DRGX: variants seen among roughly 807,000 people sequenced by gnomAD.
The protein encoded by DRGX is dorsal root ganglia homeobox protein.
Under a neutral mutation model 28.6 loss-of-function variants are expected in DRGX, and 21 were observed. That is an observed-to-expected ratio of 0.73 (90% CI 0.52 to 1.06). DRGX has a LOEUF of 1.06. Among genes scored for constraint, DRGX ranks in the 50% least tolerant of loss-of-function variants. The pLI is 0.00. For synonymous variants in DRGX, 136 were observed against 139.1 expected (o/e 0.98, Z 0.16); for missense variants, 354 against 343.9 (o/e 1.03, Z -0.23).
chr10:49,384,978 G>T (rs559861002), intron 6 of DRGX, among the ~76,000 whole-genome samples: 17 of 152,302 alleles, frequency 1.1e-4, no homozygotes, highest in African/African-American at 4.1e-4. Context: ...AGCAGACAGG[G>T]CTGGGTAGAC....
intron 6 of DRGX, among the ~76,000 whole-genome samples, chr10:49,379,114 T>C (rs1298704373): frequency 6.6e-6 from 1 of 152,046 alleles, no homozygotes. Context: ...TATTCTGAAA[T>C]CCAAAAAAAA....
At position 49,384,177 on chromosome 10, in the gene DRGX, T is replaced by C. The variant is rs114775510; in HGVS notation, c.526+2301A>G. Among the ~76,000 whole-genome samples the C allele has an allele frequency of 6.0e-3, 918 of 152,146 alleles. 10 individuals are homozygous for C. The highest frequency in any genetic ancestry group is 0.021 in the African/African-American group (866 of 41,484). ...CAGGCCTCTCTCAGAAGTGGGAAAA[T>C]GATAAACAGACCCAGAGGGCCTCCT... On this transcript the variant is annotated intron_variant, in intron 6 of 6. Transcript: ENST00000374139.
intron 6 of DRGX, among the ~76,000 whole-genome samples, chr10:49,370,426 G>A (rs1469481254): frequency 6.6e-6 from 1 of 152,136 alleles, no homozygotes; most frequent in African/African-American, 2.4e-5. Context: ...AAGAGCCTTG[G>A]GCACACAGCC....
chr10:49,384,265 C>A (rs1366683570), intron 6 of DRGX, among the ~76,000 whole-genome samples: 1 of 152,230 alleles, frequency 6.6e-6, no homozygotes, highest in African/African-American at 2.4e-5. Context: ...CACCTGCACA[C>A]GCTCACTTTG....
At chr10:49,395,191 G>T (rs149664326) in intron 2 of DRGX, among the ~76,000 whole-genome samples, 1 of 152,168 alleles carries the variant, frequency 6.6e-6, no homozygotes, top group Non-Finnish European at 1.5e-5. Context: ...TGGCCCAGGC[G>T]GGGAGGGAGC....
chr10:49,386,931 G>A, intron 4 of DRGX, 73 bp from the exon 5 acceptor site: 1 of 1,467,824 alleles, frequency 6.8e-7, no homozygotes, highest in Non-Finnish European at 9.0e-7. Flanking sequence ...TGGACCCAGT[G>A]CTGGCACTCA....
Position 49,366,261 on chromosome 10 carries a change from T to C in DRGX, c.647A>G (p.His216Arg). The change falls in exon 7 of 7, where the codon CAC (histidine) becomes CGC (arginine). Residue 216 changes from histidine (H) to arginine (R), a missense_variant. Transcript: ENST00000374139. ...VATLRMKAREHSEAVLQSANL... is the reference protein window; with the variant it reads ...VATLRMKARERSEAVLQSANL... The stretch of plus-strand genomic sequence containing the variant: ...GGCTGACTGCAGGACAGCTTCTGAG[T>C]GCTCGCGGGCCTTCATGCGCAGGGT... The C allele has an allele frequency of 1.2e-6, 2 of 1,613,912 alleles. No homozygotes were observed. The highest frequency in any genetic ancestry group is 2.2e-5 in the East Asian group (1 of 44,878).
intron 6 of DRGX, among the ~76,000 whole-genome samples, chr10:49,381,871 A>G (rs1335125906): frequency 6.6e-6 from 1 of 152,226 alleles, no homozygotes; most frequent in Non-Finnish European, 1.5e-5. Context: ...AGATCCCAGT[A>G]AGACCACAAA....
At chr10:49,394,953 C>T (rs1849949071) in intron 2 of DRGX, among the ~76,000 whole-genome samples, 1 of 152,252 alleles carries the variant, frequency 6.6e-6, no homozygotes, top group South Asian at 2.1e-4. Context: ...TCGCCAGCGG[C>T]CCCAGTGAGA....
chr10:49,382,837 G>T (rs1289833051), intron 6 of DRGX, among the ~76,000 whole-genome samples: 3 of 152,188 alleles, frequency 2.0e-5, no homozygotes, highest in Non-Finnish European at 4.4e-5. Context: ...TGTCTAGGGA[G>T]ACTCTATCAT....
rs17009957 is a variant in DRGX at position 49,365,949 on chromosome 10, C to T, written c.*167G>A. Reference sequence around the variant, plus strand: ...CCGCACTGGTGGGACTCCAGAGGGACGCTCCAGGTGCCAAGGGAGCTGTGG... The same window carrying T: ...CCGCACTGGTGGGACTCCAGAGGGATGCTCCAGGTGCCAAGGGAGCTGTGG... On this transcript the variant is annotated 3_prime_UTR_variant, in exon 7 of 7. Transcript: ENST00000374139. The T allele has an allele frequency of 0.014, 10,798 of 746,234 alleles. 465 individuals carry two copies. Among genetic ancestry groups the T allele is most frequent in the African/African-American group, 0.12 (6,528 of 55,644 alleles). The allele number at this position is 746,234 out of a possible 1,614,324, so 46.2% of individuals were successfully genotyped here.
At chr10:49,389,619 T>C (rs535267724) in intron 4 of DRGX, among the ~76,000 whole-genome samples, 5 of 152,326 alleles carry the variant, frequency 3.3e-5, no homozygotes, top group East Asian at 3.9e-4. Flanking sequence ...GCCCTATCAC[T>C]ACTGCTGTTT....
intron 6 of DRGX, among the ~76,000 whole-genome samples, chr10:49,374,320 A>G (rs747086757): frequency 1.3e-5 from 2 of 152,204 alleles, no homozygotes; most frequent in Non-Finnish European, 2.9e-5. Flanking sequence ...GACAGCAAAC[A>G]TGGGGCTGAG....
intron 6 of DRGX, among the ~76,000 whole-genome samples, chr10:49,378,437 T>A (rs905425836): frequency 2.0e-5 from 3 of 152,224 alleles, no homozygotes; most frequent in Non-Finnish European, 4.4e-5. Context: ...AAAGTGCCAG[T>A]GACTGATAAT....
At chr10:49,388,528 T>C (rs925493751) in intron 4 of DRGX, among the ~76,000 whole-genome samples, 8 of 152,266 alleles carry the variant, frequency 5.3e-5, no homozygotes, top group African/African-American at 1.9e-4. Flanking sequence ...GAATAATGAT[T>C]TTATCTATAT....
chr10:49,383,477 C>T (rs1849799680), intron 6 of DRGX, among the ~76,000 whole-genome samples: 1 of 152,136 alleles, frequency 6.6e-6, no homozygotes, highest in African/African-American at 2.4e-5. Context: ...AAATGGGACA[C>T]CCCCTTACAG....
chr10:49,384,257 C>T (rs1351816523), intron 6 of DRGX, among the ~76,000 whole-genome samples: 2 of 152,218 alleles, frequency 1.3e-5, no homozygotes, highest in East Asian at 3.9e-4. Flanking sequence ...AAAGACAACA[C>T]CTGCACACGC....
chr10:49,382,782 C>A (rs1849791121), intron 6 of DRGX, among the ~76,000 whole-genome samples: 1 of 152,188 alleles, frequency 6.6e-6, no homozygotes, highest in South Asian at 2.1e-4. Flanking sequence ...TTTGCCTATG[C>A]CATTCCCTAC....
At chr10:49,382,770 G>T (rs1849790891) in intron 6 of DRGX, among the ~76,000 whole-genome samples, 1 of 152,188 alleles carries the variant, frequency 6.6e-6, no homozygotes, top group Non-Finnish European at 1.5e-5. Flanking sequence ...CCCCTGGAAT[G>T]CTTTGCCTAT....
Sources: allele counts gnomAD v4.1 joint callset (sites outside exome capture counted in the v4.1 genomes callset), GRCh38; gene constraint gnomAD v4.1.1; transcripts MANE v1.5; gene names NCBI Gene and HGNC (gene_info 2026-07-23, HGNC 2026-07-21).